The following GNA12 variants were observed in gnomAD, a reference collection of about 807,000 sequenced individuals.
GNA12 encodes guanine nucleotide-binding protein subunit alpha-12.
In GNA12, 9 loss-of-function variants were observed where a neutral mutation model predicts 26.0. The ratio of observed to expected loss-of-function variants is 0.35; its 90% CI spans 0.21 to 0.60. GNA12 has a LOEUF of 0.60. Ranked by LOEUF, GNA12 falls within the 20% of genes least tolerant of loss-of-function variation. GNA12 has a pLI of 0.78. For missense variants in GNA12, 405 were observed against 525.8 expected (o/e 0.77, Z 2.25); for synonymous variants, 264 against 219.6 (o/e 1.20, Z -1.79).
At position 2,814,071 on chromosome 7, in the gene GNA12, T is replaced by C. The variant is rs374329629; in HGVS notation, c.310-18928A>G. Among the ~76,000 whole-genome samples, 178 of 152,320 alleles carry C rather than the reference T, an allele frequency of 1.2e-3. 1 individual carries two copies. Among genetic ancestry groups the C allele is most frequent in the African/African-American group, 4.3e-3 (177 of 41,572 alleles). ...CTGGGACTGGATGTCCACCATCGGC[T>C]GCCCAGGTTCTCAGGCCTTCGGACA... On this transcript the variant is annotated intron_variant, in intron 1 of 3. Coordinates refer to ENST00000275364, the MANE Select transcript of GNA12 (RefSeq NM_007353.3).
chr7:2,739,318 TCTGC>T (rs1365703620), intron 2 of GNA12, among the ~76,000 whole-genome samples: 1 of 152,026 alleles, frequency 6.6e-6, no homozygotes, highest in African/African-American at 2.4e-5. Context: ...ACAACACGAA[TCTGC>T]TTTCTGTCTC....
intron 1 of GNA12, among the ~76,000 whole-genome samples, chr7:2,820,671 C>T (rs569908159): frequency 3.9e-5 from 6 of 152,338 alleles, no homozygotes; most frequent in Non-Finnish European, 8.8e-5. Flanking sequence ...GTCACCAGCT[C>T]CTGACTCACT....
chr7:2,826,571 G>T (rs1446138347), intron 1 of GNA12, among the ~76,000 whole-genome samples: 1 of 152,092 alleles, frequency 6.6e-6, no homozygotes, highest in Non-Finnish European at 1.5e-5. Context: ...GATAAACAAA[G>T]TGTGGTATAT....
intron 1 of GNA12, among the ~76,000 whole-genome samples, chr7:2,809,893 T>C (rs1016782618): frequency 1.6e-4 from 24 of 152,250 alleles, no homozygotes; most frequent in African/African-American, 5.3e-4. Context: ...ATAAATTCTA[T>C]GTAAATAGTA....
intron 2 of GNA12, among the ~76,000 whole-genome samples, chr7:2,750,979 A>G (rs1241627512): frequency 6.6e-6 from 1 of 152,234 alleles, no homozygotes; most frequent in Non-Finnish European, 1.5e-5. Context: ...ATCAAGAAGA[A>G]TTCACAATGT....
rs199650069 is a variant in GNA12, at chr7:2,731,487, G to A, written c.840C>T (p.Ile280=). The stretch of plus-strand genomic sequence containing the variant: ...CGTTGAAGAAGAGCTTGTTGTTGAC[G>A]ATGGTCTCGAAGATGTTCATGGACT... ...LVESMNIFET[I]VNNKLFFNVS... The change falls in exon 4 of 4, where the codon ATC becomes ATT. Residue 280 remains isoleucine (I), a synonymous_variant. Coordinates refer to ENST00000275364, the MANE Select transcript of GNA12 (RefSeq NM_007353.3). This position sits in a 1 kb window ranked among gnomAD's most constrained non-coding sequence, Gnocchi z 6.0. The A allele has an allele frequency of 1.4e-5, 22 of 1,613,864 alleles. No individual in the cohort carries two copies. The highest frequency in any genetic ancestry group is 3.3e-5 in the South Asian group (3 of 91,064).
At chr7:2,842,666 G>T (rs1779030168) in intron 1 of GNA12, among the ~76,000 whole-genome samples, 1 of 152,214 alleles carries the variant, frequency 6.6e-6, no homozygotes, top group Non-Finnish European at 1.5e-5. Context: ...AGAATCTGGA[G>T]ATTCATTGCA....
intron 2 of GNA12, among the ~76,000 whole-genome samples, chr7:2,785,096 A>C (rs1196630626): frequency 6.6e-6 from 1 of 152,192 alleles, no homozygotes; most frequent in Non-Finnish European, 1.5e-5. Flanking sequence ...TGAAGGGGAA[A>C]GGCCAACATC....
At chr7:2,741,991 GTT>G in intron 2 of GNA12, among the ~76,000 whole-genome samples, 1 of 151,656 alleles carries the variant, frequency 6.6e-6, no homozygotes, top group Admixed American at 6.6e-5. Context: ...TGCCTCTTTA[GTT>G]TCATTTAATC....
intron 2 of GNA12, among the ~76,000 whole-genome samples, chr7:2,759,860 C>T (rs774566649): frequency 4.1e-5 from 6 of 147,348 alleles, no homozygotes; most frequent in South Asian, 2.1e-4. Flanking sequence ...CGATTGTCCG[C>T]CCCCGTCTCA....
At chr7:2,763,172 G>T in intron 2 of GNA12, 1 of 968,486 alleles carries the variant, frequency 1.0e-6, no homozygotes, top group Non-Finnish European at 1.3e-6. Flanking sequence ...GAGGTTAGCA[G>T]GACTTCACAA....
intron 2 of GNA12, among the ~76,000 whole-genome samples, chr7:2,779,605 T>C (rs1447788971): frequency 6.6e-6 from 1 of 152,130 alleles, no homozygotes; most frequent in Non-Finnish European, 1.5e-5. Context: ...TTAAAAACTT[T>C]TTAACTTTTT....
intron 2 of GNA12, among the ~76,000 whole-genome samples, chr7:2,785,795 C>G (rs981088103): frequency 2.6e-5 from 4 of 152,142 alleles, no homozygotes; most frequent in Non-Finnish European, 5.9e-5. Context: ...GCCTGTAATC[C>G]CAGCACTTTG....
At chr7:2,788,649 G>A (rs995279836) in intron 2 of GNA12, among the ~76,000 whole-genome samples, 3 of 152,210 alleles carry the variant, frequency 2.0e-5, no homozygotes, top group African/African-American at 4.8e-5. Context: ...AGATAGTGAG[G>A]ATATTAACTA....
chr7:2,800,754 C>T (rs560256575), intron 1 of GNA12, among the ~76,000 whole-genome samples: 11 of 152,074 alleles, frequency 7.2e-5, no homozygotes, highest in Admixed American at 4.6e-4. Flanking sequence ...TTCATCTGAG[C>T]GAGTGGCAGT....
At chr7:2,841,931 G>C (rs1435682568) in intron 1 of GNA12, among the ~76,000 whole-genome samples, 1 of 151,166 alleles carries the variant, frequency 6.6e-6, no homozygotes, top group African/African-American at 2.4e-5. Flanking sequence ...GATTGTCCTC[G>C]CCTCTAACTT....
chr7:2,823,509 CTAA>C (rs1793415115), intron 1 of GNA12, among the ~76,000 whole-genome samples: 2 of 152,096 alleles, frequency 1.3e-5, no homozygotes, highest in Non-Finnish European at 2.9e-5. Flanking sequence ...TTCAAGCATG[CTAA>C]TAATAACCCT....
chr7:2,801,451 G>A (rs1242772741), intron 1 of GNA12, among the ~76,000 whole-genome samples: 2 of 152,176 alleles, frequency 1.3e-5, no homozygotes, highest in African/African-American at 4.8e-5. Flanking sequence ...GGTGAACATA[G>A]GTTTGGCTTA....
intron 2 of GNA12, among the ~76,000 whole-genome samples, chr7:2,754,176 G>A (rs1254660437): frequency 6.6e-6 from 1 of 152,194 alleles, no homozygotes; most frequent in African/African-American, 2.4e-5. Flanking sequence ...TAGGTGTGTA[G>A]TGCTAGCTCA....
Sources: allele counts gnomAD v4.1 joint callset (sites outside exome capture counted in the v4.1 genomes callset), GRCh38; gene constraint gnomAD v4.1.1; non-coding constraint Gnocchi (gnomAD v3.1); transcripts MANE v1.5; gene names NCBI Gene and HGNC (gene_info 2026-07-23, HGNC 2026-07-21).